RUNX1: variants seen among roughly 807,000 people sequenced by gnomAD.
RUNX1 encodes RUNX family transcription factor 1.
In RUNX1, 19 loss-of-function variants were observed where a neutral mutation model predicts 42.8. The ratio of observed to expected loss-of-function variants is 0.44; its 90% CI spans 0.31 to 0.65. The LOEUF (loss-of-function observed/expected upper bound fraction) is 0.65, where lower values mean the gene tolerates loss of function less well. RUNX1 is among the 30% of genes least tolerant of loss of function. RUNX1 has a pLI of 0.07. For synonymous variants in RUNX1, 271 were observed against 289.4 expected (o/e 0.94, Z 0.64); for missense variants, 528 against 672.0 (o/e 0.79, Z 2.37).
At chr21:35,023,463 G>A (rs890892512) in intron 2 of RUNX1, among the ~76,000 whole-genome samples, 11 of 152,212 alleles carry the variant, frequency 7.2e-5, no homozygotes, top group Admixed American at 4.6e-4. Flanking sequence ...CCAGGTGGGT[G>A]GGTGGATCAG....
intron 2 of RUNX1, among the ~76,000 whole-genome samples, chr21:35,033,256 C>T (rs2059285778): frequency 6.6e-6 from 1 of 152,230 alleles, no homozygotes. Flanking sequence ...AGCCATCTCT[C>T]AAATTGCTCA....
rs576328305 is a variant in RUNX1 at position 34,888,388 on chromosome 21, G to A, written c.98-1292C>T. On this transcript the variant is annotated intron_variant, in intron 3 of 8. Transcript: ENST00000675419. The stretch of plus-strand genomic sequence containing the variant: ...TTCACGGCTCGCCTCGGACCACAGA[G>A]CACTTTCTCCCCCTGTTGTAAAAGG... The A allele has an allele frequency of 1.9e-4, 206 of 1,067,732 alleles. No individual in the cohort carries two copies. The African/African-American group carries it at 3.2e-3, about 17-fold the overall frequency. 66.1% of individuals were successfully genotyped at this position (1,067,732 alleles called of 1,614,324 possible). A position where few individuals can be genotyped will look rare whatever the true frequency, so the allele number is the denominator to read the frequency against.
intron 2 of RUNX1, among the ~76,000 whole-genome samples, chr21:35,007,150 T>G (rs935828413): frequency 7.2e-5 from 11 of 152,206 alleles, no homozygotes; most frequent in Non-Finnish European, 1.2e-4. Context: ...GAATGCATAT[T>G]GAAATGTAAC....
Position 34,826,603 on chromosome 21 carries a change from AT to A in RUNX1, c.805+7806del, listed in dbSNP as rs369414974. Among the ~76,000 whole-genome samples the A allele has an allele frequency of 0.013, 1,791 of 142,906 alleles. 83 individuals carry two copies. In the East Asian group the frequency reaches 0.14, roughly 11 times the overall value. The allele number at this position is 142,906 out of a possible 152,430, so 93.8% of individuals were successfully genotyped here. ...AGGTGTGTGCCACCATGCCCAGCTA[AT>A]TTTTTTTTTTTGTATTTTTAGTAGA... On this transcript the variant is annotated intron_variant, in intron 7 of 8. Coordinates refer to ENST00000675419, the MANE Select transcript of RUNX1 (RefSeq NM_001754.5).
At chr21:35,035,458 C>T in intron 2 of RUNX1, among the ~76,000 whole-genome samples, 1 of 152,188 alleles carries the variant, frequency 6.6e-6, no homozygotes, top group Non-Finnish European at 1.5e-5. Flanking sequence ...GTTCTGCCTC[C>T]TAGAAGCCGT....
intron 2 of RUNX1, among the ~76,000 whole-genome samples, chr21:34,983,915 G>A (rs535110021): frequency 6.6e-6 from 1 of 152,324 alleles, no homozygotes; most frequent in Non-Finnish European, 1.5e-5. Flanking sequence ...GGCCAATGGT[G>A]CTGCTGCCAG....
At chr21:34,937,932 A>C (rs541389086) in intron 2 of RUNX1, among the ~76,000 whole-genome samples, 1 of 152,298 alleles carries the variant, frequency 6.6e-6, no homozygotes, top group East Asian at 1.9e-4. Flanking sequence ...TTGGAAGTTA[A>C]ATTTATCATC....
chr21:34,823,382 A>G (rs1347664718), intron 7 of RUNX1, among the ~76,000 whole-genome samples: 1 of 150,840 alleles, frequency 6.6e-6, no homozygotes, highest in East Asian at 1.9e-4. Flanking sequence ...GATTGTGTGG[A>G]AGAACCAAGA....
At chr21:34,798,959 T>C (rs996898918) in intron 8 of RUNX1, among the ~76,000 whole-genome samples, 7 of 152,222 alleles carry the variant, frequency 4.6e-5, no homozygotes, top group African/African-American at 1.4e-4. Context: ...CCAGTCCCAT[T>C]AGTCCAGAAT....
chr21:34,813,236 C>G (rs1341154330), intron 7 of RUNX1, among the ~76,000 whole-genome samples: 1 of 152,084 alleles, frequency 6.6e-6, no homozygotes, highest in Non-Finnish European at 1.5e-5. Flanking sequence ...AGGATGGCCC[C>G]TACAACAGAG....
intron 2 of RUNX1, among the ~76,000 whole-genome samples, chr21:34,893,414 C>T (rs1330752240): frequency 6.6e-6 from 1 of 152,180 alleles, no homozygotes; most frequent in Non-Finnish European, 1.5e-5. Flanking sequence ...CTCTCCTTCC[C>T]TTCTCTCTGC....
intron 2 of RUNX1, among the ~76,000 whole-genome samples, chr21:35,046,492 A>C (rs1405065154): frequency 6.6e-6 from 1 of 152,222 alleles, no homozygotes; most frequent in Non-Finnish European, 1.5e-5. Context: ...AGGCAGCCAG[A>C]AGTGACCGCA....
intron 2 of RUNX1, among the ~76,000 whole-genome samples, chr21:34,918,127 C>CA (rs71324335): frequency 0.43 from 30,646 of 70,946 alleles, 6,209 homozygotes; most frequent in South Asian, 0.53. Flanking sequence ...GACTCTGTCT[C>CA]AAAAAAAAAA....
chr21:34,865,472 C>T (rs1457591365), intron 5 of RUNX1, among the ~76,000 whole-genome samples: 3 of 152,204 alleles, frequency 2.0e-5, no homozygotes, highest in African/African-American at 7.2e-5. Flanking sequence ...CAGTGCTCCT[C>T]ACTGCAACAT....
At chr21:34,957,353 C>A (rs1034328147) in intron 2 of RUNX1, among the ~76,000 whole-genome samples, 1 of 152,190 alleles carries the variant, frequency 6.6e-6, no homozygotes, top group Non-Finnish European at 1.5e-5. Flanking sequence ...CAGGATGGCT[C>A]GTGAAATGTG....
At chr21:34,825,170 C>T (rs2146022118) in intron 7 of RUNX1, among the ~76,000 whole-genome samples, 1 of 152,300 alleles carries the variant, frequency 6.6e-6, no homozygotes, top group South Asian at 2.1e-4. Context: ...AGTGACATGC[C>T]TGGCTTTGGG....
Position 34,926,420 on chromosome 21 carries a change from C to T in RUNX1, c.59-33457G>A, listed in dbSNP as rs140650038. Among the ~76,000 whole-genome samples, 10 of 136,482 alleles carry T rather than the reference C, an allele frequency of 7.3e-5. No individual in the cohort carries two copies. In the East Asian group the frequency reaches 2.3e-3, roughly 31 times the overall value. The allele number at this position is 136,482 out of a possible 152,430, so 89.5% of individuals were successfully genotyped here. A position where few individuals can be genotyped will look rare whatever the true frequency, so the allele number is the denominator to read the frequency against. On this transcript the variant is annotated intron_variant, in intron 2 of 8. Transcript: ENST00000675419. ...AGTAGGGCAGTGAGCCATGATCATG[C>T]CCCTGCACTCCAACCTGGGCAACAG...
rs182276230 is a variant in RUNX1, at chr21:34,872,245, A to C, written c.508+8312T>G. ...CTCTCTGCTGAAGTATTCAGGGAAA[A>C]GCAGTGAGCCTCTGGCAGAGGGCTT... is the stretch of plus-strand genomic sequence containing the variant. On this transcript the variant is annotated intron_variant, in intron 5 of 8. Coordinates refer to ENST00000675419, the MANE Select transcript of RUNX1 (RefSeq NM_001754.5). Among the ~76,000 whole-genome samples the C allele has an allele frequency of 1.1e-4, 17 of 152,314 alleles. No individual in the cohort carries two copies. The East Asian group carries it at 3.3e-3, about 29-fold the overall frequency.
rs924304143 is a variant in RUNX1 at position 34,951,760 on chromosome 21, A to C, written c.59-58797T>G. Among the ~76,000 whole-genome samples the C allele has an allele frequency of 5.3e-5, 8 of 152,286 alleles. 1 individual carries two copies. The highest frequency in any genetic ancestry group is 1.9e-4 in the African/African-American group (8 of 41,536). ...TGGAGAGGATGTGGAGAAATAGGAA[A>C]GCTTTTACACTGTTGGTGGGAATGT... On this transcript the variant is annotated intron_variant, in intron 2 of 8. Coordinates refer to ENST00000675419, the MANE Select transcript of RUNX1 (RefSeq NM_001754.5).
Sources: allele counts gnomAD v4.1 joint callset (sites outside exome capture counted in the v4.1 genomes callset), GRCh38; gene constraint gnomAD v4.1.1; transcripts MANE v1.5; gene names NCBI Gene and HGNC (gene_info 2026-07-23, HGNC 2026-07-21).